APBA1: variants seen among roughly 807,000 people sequenced by gnomAD.
APBA1 encodes the protein amyloid beta precursor protein binding family A member 1, also known as amyloid-beta A4 precursor protein-binding family A member 1.
APBA1 carries 55 observed loss-of-function variants against 86.6 expected under a neutral mutation model. The observed-to-expected ratio is 0.64, with a 90% CI of 0.51 to 0.80. The LOEUF (loss-of-function observed/expected upper bound fraction) is 0.80. Ranked by LOEUF, APBA1 falls within the 30% of genes least tolerant of loss-of-function variation. APBA1 has a pLI of 0.00. For missense variants in APBA1, 1,090 were observed against 1,183.0 expected (o/e 0.92, Z 1.15); for synonymous variants, 511 against 493.9 (o/e 1.03, Z -0.46).
intron 2 of APBA1, among the ~76,000 whole-genome samples, chr9:69,485,276 G>T (rs1318280907): frequency 6.6e-6 from 1 of 152,012 alleles, no homozygotes; most frequent in African/African-American, 2.4e-5. Flanking sequence ...GTCAAGGGTG[G>T]ACAAACAGCT....
At chr9:69,518,184 C>T (rs1420988543) in intron 1 of APBA1, among the ~76,000 whole-genome samples, 1 of 152,000 alleles carries the variant, frequency 6.6e-6, no homozygotes, top group African/African-American at 2.4e-5. Flanking sequence ...TACAGTATAA[C>T]AACAATTTAT....
intron 10 of APBA1, among the ~76,000 whole-genome samples, chr9:69,443,791 A>G (rs1362897125): frequency 6.6e-6 from 1 of 152,216 alleles, no homozygotes. Flanking sequence ...CAAAACGCAC[A>G]GTATTTCTAC....
chr9:69,659,447 G>A (rs1024343183), intron 1 of APBA1, among the ~76,000 whole-genome samples: 1 of 152,150 alleles, frequency 6.6e-6, no homozygotes, highest in Non-Finnish European at 1.5e-5. Context: ...TTCCACATGA[G>A]AAGCTGCAGA....
chr9:69,612,121 T>C (rs1822603288), intron 1 of APBA1, among the ~76,000 whole-genome samples: 1 of 152,028 alleles, frequency 6.6e-6, no homozygotes, highest in South Asian at 2.1e-4. Flanking sequence ...AAGACTAATA[T>C]TGTTAGTTTA....
At position 69,476,446 on chromosome 9, in the gene APBA1, T is replaced by A. The variant is rs1196457151; in HGVS notation, c.1201-303A>T. 1.3e-5 allele frequency among the ~76,000 whole-genome samples: 2 copies of A among 152,162 alleles called. 1 individual carries two copies. The highest frequency in any genetic ancestry group is 4.1e-4 in the South Asian group (2 of 4,824). ...TTGAAATTAAAAAATCCTAAATGAATTGAGCTAAGGATATTACACAAACAT... is the reference window on the plus strand; with the variant it reads ...TTGAAATTAAAAAATCCTAAATGAAATGAGCTAAGGATATTACACAAACAT... On this transcript the variant is annotated intron_variant, in intron 2 of 12. Transcript: ENST00000265381.
In APBA1 at chr9:69,517,014, T is replaced by G. The variant is rs1430980898; in HGVS notation, c.197A>C (p.Gln66Pro). The change falls in exon 2 of 13, where the codon CAG (glutamine) becomes CCG (proline). Residue 66 changes from glutamine (Q) to proline (P), a missense_variant. Physicochemically the swap from Gln to Pro is moderately conservative, Grantham distance 76. Coordinates refer to ENST00000265381, the MANE Select transcript of APBA1 (RefSeq NM_001163.4). ...GCATTCCCCGCGCTCCTCTTCCTCC[T>G]GGCCGAGCTGGGCGCGGAGGTCCTC... is the stretch of plus-strand genomic sequence containing the variant. ...ALEDLRAQLG[Q>P]EEEERGECLA... 6.3e-7 allele frequency: 1 copy of G among 1,577,846 alleles called. No individual in the cohort carries two copies. The highest frequency in any genetic ancestry group is 1.3e-5 in the African/African-American group (1 of 74,302).
intron 1 of APBA1, among the ~76,000 whole-genome samples, chr9:69,547,098 A>G (rs916651997): frequency 6.6e-6 from 1 of 152,254 alleles, no homozygotes; most frequent in African/African-American, 2.4e-5. Flanking sequence ...CAATTGTCGG[A>G]GTACAGAGAC....
chr9:69,661,066 A>T (rs1485871778), intron 1 of APBA1, among the ~76,000 whole-genome samples: 1 of 152,228 alleles, frequency 6.6e-6, no homozygotes, highest in Non-Finnish European at 1.5e-5. Context: ...ACATTTTGTG[A>T]AGCAAAAATG....
intron 1 of APBA1, among the ~76,000 whole-genome samples, chr9:69,644,012 A>G (rs1334297958): frequency 6.6e-6 from 1 of 152,188 alleles, no homozygotes; most frequent in South Asian, 2.1e-4. Context: ...CCCTCACTTC[A>G]TCAGGCCTTG....
At chr9:69,631,774 G>A (rs1209325776) in intron 1 of APBA1, among the ~76,000 whole-genome samples, 1 of 152,190 alleles carries the variant, frequency 6.6e-6, no homozygotes, top group Non-Finnish European at 1.5e-5. Context: ...GATGAAGCTG[G>A]AAACCATCAT....
At chr9:69,617,955 AAC>A (rs35169283) in intron 1 of APBA1, among the ~76,000 whole-genome samples, 1 of 151,606 alleles carries the variant, frequency 6.6e-6, no homozygotes, top group Non-Finnish European at 1.5e-5. Context: ...ATCAAGCTTA[AAC>A]ACACACACAC....
chr9:69,441,680 C>T (rs966464780), intron 10 of APBA1, among the ~76,000 whole-genome samples: 1 of 152,192 alleles, frequency 6.6e-6, no homozygotes, highest in African/African-American at 2.4e-5. Context: ...AACATTCCCA[C>T]AGCAACCAGG....
intron 1 of APBA1, among the ~76,000 whole-genome samples, chr9:69,565,567 C>T (rs73647254): frequency 0.066 from 10,072 of 152,232 alleles, 436 homozygotes; most frequent in African/African-American, 0.11. Context: ...ATCTTCTACT[C>T]CCATCGCATT....
intron 1 of APBA1, among the ~76,000 whole-genome samples, chr9:69,636,828 A>AGG (rs1452460180): frequency 0.043 from 303 of 7,108 alleles, 53 homozygotes; most frequent in Non-Finnish European, 0.062. Flanking sequence ...AGAGAGAGAG[A>AGG]GAGGGAGGGA....
intron 1 of APBA1, among the ~76,000 whole-genome samples, chr9:69,626,522 T>C (rs1009485447): frequency 2.0e-5 from 3 of 152,136 alleles, no homozygotes; most frequent in African/African-American, 7.2e-5. Context: ...TGTATCGCAA[T>C]ATACAAGAAT....
chr9:69,621,401 C>T (rs573012029), intron 1 of APBA1, among the ~76,000 whole-genome samples: 1 of 152,258 alleles, frequency 6.6e-6, no homozygotes, highest in Non-Finnish European at 1.5e-5. Flanking sequence ...TGAGTGATGT[C>T]CAACCACCTT....
chr9:69,642,602 G>A (rs1327892670), intron 1 of APBA1, among the ~76,000 whole-genome samples: 1 of 151,874 alleles, frequency 6.6e-6, no homozygotes, highest in Non-Finnish European at 1.5e-5. Context: ...CAGATACTTG[G>A]TCAAATATCA....
rs368145061 is a variant in APBA1, at chr9:69,458,140, G to A, written c.1515+16C>T. On this transcript the variant is annotated intron_variant, in intron 6 of 12. Coordinates refer to ENST00000265381, the MANE Select transcript of APBA1 (RefSeq NM_001163.4). ...ACAGGCATAACACCAAGCTGATGAA[G>A]TTGTTTGTACTGCACCTTCTTCCTG... The A allele has an allele frequency of 1.1e-5, 18 of 1,603,940 alleles. No individual in the cohort carries two copies. In the African/African-American group the frequency reaches 2.0e-4, roughly 18 times the overall value.
chr9:69,515,232 C>A (rs1836117161), intron 2 of APBA1, among the ~76,000 whole-genome samples: 1 of 152,158 alleles, frequency 6.6e-6, no homozygotes, highest in Admixed American at 6.5e-5. Context: ...GCAGACCCTC[C>A]ACATTCCCAT....
Sources: gnomAD v4.1 joint callset for allele counts (sites outside exome capture counted in the v4.1 genomes callset) on GRCh38, gnomAD v4.1.1 for gene constraint, MANE v1.5 for transcripts, NCBI Gene and HGNC (gene_info 2026-07-23, HGNC 2026-07-21) for gene names.